Variants in MNAT1 observed in about 807,000 individuals in gnomAD.
The protein encoded by MNAT1 is CDK-activating kinase assembly factor MAT1.
A neutral mutation model predicts 42.0 loss-of-function variants in MNAT1; 43 were observed. The observed-to-expected ratio is 1.02, with a 90% CI of 0.80 to 1.32. MNAT1 has a LOEUF of 1.32. Among genes scored for constraint, MNAT1 ranks in the 40% most tolerant of loss-of-function variants. The probability of loss-of-function intolerance (pLI) is 0.00; values close to 1 mark genes in which losing one functional copy is unlikely to be tolerated. For missense variants in MNAT1, 306 were observed against 350.4 expected (o/e 0.87, Z 1.01); for synonymous variants, 118 against 120.0 (o/e 0.98, Z 0.11).
Position 60,818,822 on chromosome 14 carries a change from T to C in MNAT1, c.662T>C (p.Val221Ala). 6.2e-7 allele frequency: 1 copy of C among 1,612,554 alleles called. No individual in the cohort carries two copies. The highest frequency in any genetic ancestry group is 8.5e-7 in the Non-Finnish European group (1 of 1,179,058). ...QLEKPKPVKP[V>A]TFSTGIKMGQ... is the part of the protein sequence containing the mutation. ...GAGAAACCCAAACCTGTAAAACCAG[T>C]GACGTTTTCCACAGGCATCAAAATG... is the stretch of plus-strand genomic sequence containing the variant. The change falls in exon 6 of 8, where the codon GTG becomes GCG. Residue 221 changes from valine to alanine, a missense_variant. This residue lies in a region of MNAT1 where 116 missense variants were observed against 139.6 expected (regional missense o/e 0.83). Transcript: ENST00000261245.
At chr14:60,764,763 T>C (rs1328812323) in intron 1 of MNAT1, among the ~76,000 whole-genome samples, 1 of 152,150 alleles carries the variant, frequency 6.6e-6, no homozygotes, top group East Asian at 1.9e-4. Context: ...GGCAAATAAA[T>C]AAATTAGCAA....
At chr14:60,771,435 A>G (rs1232241306) in intron 1 of MNAT1, among the ~76,000 whole-genome samples, 1 of 152,024 alleles carries the variant, frequency 6.6e-6, no homozygotes, top group East Asian at 1.9e-4. Context: ...TGGCTCATAC[A>G]TTAGTTTGCC....
chr14:60,744,178 C>G (rs1466011712), intron 1 of MNAT1, among the ~76,000 whole-genome samples: 1 of 151,014 alleles, frequency 6.6e-6, no homozygotes, highest in Admixed American at 6.6e-5. Context: ...GTTGCCCATG[C>G]TGGAGTGCAG....
At chr14:60,911,954 C>G (rs1330960094) in intron 7 of MNAT1, among the ~76,000 whole-genome samples, 1 of 152,040 alleles carries the variant, frequency 6.6e-6, no homozygotes, top group Non-Finnish European at 1.5e-5. Flanking sequence ...GTGTGGGAGT[C>G]TAAGTCTCTT....
rs189227933 is a variant in MNAT1 at position 60,873,285 on chromosome 14, T to C, written c.688-6429T>C. On this transcript the variant is annotated intron_variant, in intron 6 of 7. Transcript: ENST00000261245. The stretch of plus-strand genomic sequence containing the variant: ...ACCAGGCCACTTGTCTTGCAGTATG[T>C]TTTTTTCTGATTTTTTCTCTGTGGC... 1.6e-4 allele frequency among the ~76,000 whole-genome samples: 25 copies of C among 152,262 alleles called. No individual in the cohort carries two copies. The East Asian group carries it at 4.6e-3, about 28-fold the overall frequency.
chr14:60,909,659 C>T (rs2035300867), intron 7 of MNAT1, among the ~76,000 whole-genome samples: 1 of 152,024 alleles, frequency 6.6e-6, no homozygotes, highest in African/African-American at 2.4e-5. Context: ...TTTCTGAGGG[C>T]TCTGTTCTGT....
chr14:60,742,688 T>C (rs1896509342), intron 1 of MNAT1, among the ~76,000 whole-genome samples: 2 of 152,238 alleles, frequency 1.3e-5, no homozygotes, highest in African/African-American at 2.4e-5. Flanking sequence ...CAACCAGTTA[T>C]CTACTTTCTG....
intron 7 of MNAT1, among the ~76,000 whole-genome samples, chr14:60,885,457 A>T (rs539681583): frequency 1.3e-5 from 2 of 151,884 alleles, no homozygotes; most frequent in Non-Finnish European, 2.9e-5. Flanking sequence ...TGCTTAATCA[A>T]TTCTGCTATT....
chr14:60,914,347 G>A (rs1040948608), intron 7 of MNAT1, among the ~76,000 whole-genome samples: 21 of 152,116 alleles, frequency 1.4e-4, no homozygotes, highest in Non-Finnish European at 1.5e-4. Context: ...CCCACTGTCC[G>A]GCACTTCCCT....
intron 1 of MNAT1, among the ~76,000 whole-genome samples, chr14:60,777,310 T>C (rs896337004): frequency 2.6e-5 from 4 of 152,116 alleles, no homozygotes; most frequent in Non-Finnish European, 5.9e-5. Context: ...TTTGGATGGG[T>C]GCAGTGGCTC....
At position 60,968,350 on chromosome 14, in the gene MNAT1, C is replaced by A. The variant is rs1205163229; in HGVS notation, c.*1C>A. Reference sequence around the variant, plus strand: ...TGGGCTTTTCTGGCAGCCCAGTTAACCATTTATAAGATTTGGACCTTGGAG... The same window carrying A: ...TGGGCTTTTCTGGCAGCCCAGTTAAACATTTATAAGATTTGGACCTTGGAG... On this transcript the variant is annotated 3_prime_UTR_variant, in exon 8 of 8. Transcript: ENST00000261245. The A allele has an allele frequency of 6.2e-7, 1 of 1,609,434 alleles. No homozygotes were observed. Among genetic ancestry groups the A allele is most frequent in the Non-Finnish European group, 8.5e-7 (1 of 1,178,760 alleles).
chr14:60,900,643 C>T (rs1222974591), intron 7 of MNAT1, among the ~76,000 whole-genome samples: 1 of 152,130 alleles, frequency 6.6e-6, no homozygotes, highest in East Asian at 1.9e-4. Flanking sequence ...AAGGTGGCTA[C>T]TCTGAACACA....
At chr14:60,870,705 C>A (rs1469364321) in intron 6 of MNAT1, among the ~76,000 whole-genome samples, 3 of 152,136 alleles carry the variant, frequency 2.0e-5, no homozygotes. Flanking sequence ...TTGATTTAAA[C>A]CACCATCTTA....
chr14:60,800,349 G>C (rs1404031536), intron 3 of MNAT1, among the ~76,000 whole-genome samples: 1 of 152,022 alleles, frequency 6.6e-6, no homozygotes, highest in Non-Finnish European at 1.5e-5. Context: ...AGGAGTTTGA[G>C]ATCAGCCTGG....
intron 4 of MNAT1, among the ~76,000 whole-genome samples, chr14:60,810,670 C>T (rs968605063): frequency 2.0e-5 from 3 of 152,032 alleles, no homozygotes; most frequent in Non-Finnish European, 4.4e-5. Flanking sequence ...TTTCCTTCTG[C>T]TATTGATTCC....
chr14:60,845,468 T>G (rs1463175104), intron 6 of MNAT1, among the ~76,000 whole-genome samples: 1 of 152,134 alleles, frequency 6.6e-6, no homozygotes, highest in Non-Finnish European at 1.5e-5. Context: ...CTGCCTTTAA[T>G]CTTGATTAGT....
chr14:60,780,454 A>G (rs1307574792), intron 1 of MNAT1: 3 of 1,541,548 alleles, frequency 1.9e-6, no homozygotes, highest in Non-Finnish European at 1.8e-6. Flanking sequence ...ACACAGACAA[A>G]GATTTGGTTG....
At chr14:60,918,548 T>G (rs1448038732) in intron 7 of MNAT1, among the ~76,000 whole-genome samples, 1 of 151,768 alleles carries the variant, frequency 6.6e-6, no homozygotes, top group Non-Finnish European at 1.5e-5. Flanking sequence ...TCCAAATACC[T>G]TTATGTGGAC....
At chr14:60,829,659 A>G (rs1258868702) in intron 6 of MNAT1, among the ~76,000 whole-genome samples, 1 of 152,206 alleles carries the variant, frequency 6.6e-6, no homozygotes, top group Non-Finnish European at 1.5e-5. Flanking sequence ...TAATGAGGAC[A>G]AGGTAAAATC....
Sources: gnomAD v4.1 joint callset for allele counts (sites outside exome capture counted in the v4.1 genomes callset) on GRCh38, gnomAD v4.1.1 for gene constraint, gnomAD v4.1.1 regional missense constraint, MANE v1.5 for transcripts, NCBI Gene and HGNC (gene_info 2026-07-23, HGNC 2026-07-21) for gene names.